Variants in TMEM135 observed in about 807,000 individuals in gnomAD.
The protein encoded by TMEM135 is transmembrane protein 135, also known as peroxisomal membrane protein 52.
In TMEM135, 30 loss-of-function variants were observed where a neutral mutation model predicts 60.3. That is an observed-to-expected ratio of 0.50 (90% confidence interval 0.37 to 0.68). The LOEUF (loss-of-function observed/expected upper bound fraction) is 0.68. Ranked by LOEUF, TMEM135 falls within the 30% of genes least tolerant of loss-of-function variation. The probability of loss-of-function intolerance (pLI) is 0.00; values close to 1 mark genes in which losing one functional copy is unlikely to be tolerated. For synonymous variants in TMEM135, 190 were observed against 186.7 expected, an observed-to-expected ratio of 1.02 and a Z score of -0.14; for missense variants, 468 against 548.8, an observed-to-expected ratio of 0.85 and a Z score of 1.47.
chr11:87,163,955 T>A (rs1184708149), intron 5 of TMEM135, among the ~76,000 whole-genome samples: 1 of 148,830 alleles, frequency 6.7e-6, no homozygotes, highest in Non-Finnish European at 1.5e-5. Context: ...GTCAGATGAG[T>A]AGGTTGCGAA....
At chr11:87,146,983 T>C (rs1214274084) in intron 4 of TMEM135, among the ~76,000 whole-genome samples, 3 of 152,168 alleles carry the variant, frequency 2.0e-5, no homozygotes, top group Non-Finnish European at 2.9e-5. Flanking sequence ...CACTGAAATC[T>C]TTCTATAAGA....
At chr11:87,279,857 G>A (rs1406062812) in intron 6 of TMEM135, among the ~76,000 whole-genome samples, 6 of 152,172 alleles carry the variant, frequency 3.9e-5, no homozygotes, top group Admixed American at 6.5e-5. Flanking sequence ...CTGAAATGAG[G>A]TTACTCTTTG....
intron 5 of TMEM135, among the ~76,000 whole-genome samples, chr11:87,219,641 T>C (rs1940575738): frequency 6.6e-6 from 1 of 152,174 alleles, no homozygotes; most frequent in Admixed American, 6.6e-5. Flanking sequence ...CTGAGTTACT[T>C]TCCTAACAGC....
At chr11:87,239,524 C>G (rs1941083054) in intron 6 of TMEM135, among the ~76,000 whole-genome samples, 1 of 151,834 alleles carries the variant, frequency 6.6e-6, no homozygotes, top group Admixed American at 6.6e-5. Context: ...TATTTGAGGA[C>G]ACATTTATTT....
intron 4 of TMEM135, among the ~76,000 whole-genome samples, chr11:87,125,760 G>A (rs1383413146): frequency 6.6e-6 from 1 of 152,172 alleles, no homozygotes; most frequent in African/African-American, 2.4e-5. Flanking sequence ...TTGTAAAGGG[G>A]ATGGACAGCA....
chr11:87,215,277 T>C (rs997139046), intron 5 of TMEM135, among the ~76,000 whole-genome samples: 8 of 152,216 alleles, frequency 5.3e-5, no homozygotes, highest in Non-Finnish European at 1.2e-4. Context: ...CAGTTACTTA[T>C]TATCTATTAC....
intron 1 of TMEM135, among the ~76,000 whole-genome samples, chr11:87,060,647 C>CT (rs11459506): frequency 0.32 from 46,600 of 143,448 alleles, 8,588 homozygotes; most frequent in East Asian, 0.59. Context: ...TTTTTCTTTC[C>CT]TTTTTTTTTT....
At chr11:87,253,949 C>G (rs2459960) in intron 6 of TMEM135, among the ~76,000 whole-genome samples, 100,171 of 151,636 alleles carry the variant, frequency 0.66, 33,607 homozygotes, top group Non-Finnish European at 0.71. Flanking sequence ...ATAAATTATT[C>G]TTGTTTTGAA....
chr11:87,284,437 C>G (rs1942126580), intron 6 of TMEM135, among the ~76,000 whole-genome samples: 1 of 152,178 alleles, frequency 6.6e-6, no homozygotes, highest in Admixed American at 6.5e-5. Context: ...AAGGAGAAAT[C>G]TGATTCTATT....
In TMEM135 at chr11:87,323,599, A is replaced by G. The variant is rs1198775053; in HGVS notation, c.*2266A>G. 7 of 453,874 alleles carry G rather than the reference A, an allele frequency of 1.5e-5. No homozygotes were observed. In the Admixed American group the frequency reaches 1.6e-4, roughly 11 times the overall value. The allele number at this position is 453,874 out of a possible 1,614,324, so 28.1% of individuals were successfully genotyped here. A position where few individuals can be genotyped will look rare whatever the true frequency, so the allele number is the denominator to read the frequency against. On this transcript the variant is annotated 3_prime_UTR_variant, in exon 15 of 15. Transcript: ENST00000305494. ...TCACTGGAACTGATTACAGTAAACAATAATATGTCCCCTTAGTCTTTCTGA... is the reference window on the plus strand; with the variant it reads ...TCACTGGAACTGATTACAGTAAACAGTAATATGTCCCCTTAGTCTTTCTGA...
chr11:87,050,523 A>C (rs1361970760), intron 1 of TMEM135, among the ~76,000 whole-genome samples: 1 of 57,636 alleles, frequency 1.7e-5, no homozygotes, highest in African/African-American at 1.3e-4. Flanking sequence ...ACCATCAGAG[A>C]ATACTACAAA....
intron 6 of TMEM135, among the ~76,000 whole-genome samples, chr11:87,241,851 A>ATTT (rs1941142748): frequency 1.9e-5 from 2 of 103,020 alleles, no homozygotes; most frequent in Non-Finnish European, 4.6e-5. Context: ...TTTTTTTTTA[A>ATTT]AAAAAAATTT....
chr11:87,238,842 A>G (rs1429594911), intron 6 of TMEM135, among the ~76,000 whole-genome samples: 1 of 152,108 alleles, frequency 6.6e-6, no homozygotes, highest in Non-Finnish European at 1.5e-5. Flanking sequence ...ACACAAGAAG[A>G]AAGTCCAATC....
At chr11:87,154,507 G>A (rs1006999333) in intron 4 of TMEM135, among the ~76,000 whole-genome samples, 4 of 152,178 alleles carry the variant, frequency 2.6e-5, no homozygotes, top group Admixed American at 2.6e-4. Flanking sequence ...CAGGGTGGCT[G>A]GGTTGTATGA....
intron 5 of TMEM135, among the ~76,000 whole-genome samples, chr11:87,167,969 T>C (rs511755): frequency 0.37 from 55,892 of 151,946 alleles, 10,805 homozygotes; most frequent in East Asian, 0.67. Context: ...GGCTATTAAT[T>C]ACTGCCTCAA....
intron 1 of TMEM135, among the ~76,000 whole-genome samples, chr11:87,062,845 A>G (rs1949963748): frequency 6.6e-6 from 1 of 152,236 alleles, no homozygotes; most frequent in African/African-American, 2.4e-5. Context: ...TTTATTTAGT[A>G]AATGAGGAGA....
chr11:87,223,178 T>G lies in TMEM135; in HGVS notation c.463-13460T>G, dbSNP rs538148907. Among the ~76,000 whole-genome samples, 4 of 151,754 alleles carry G rather than the reference T, an allele frequency of 2.6e-5. 1 individual carries two copies. In the South Asian group the frequency reaches 8.4e-4, roughly 32 times the overall value. On this transcript the variant is annotated intron_variant, in intron 5 of 14. Transcript: ENST00000305494. ...GAAAAGCACTTTTTTTTTTTTTTTTTTTCTGAGATGGAGTCTCGCACTTTC... is the reference window on the plus strand; with the variant it reads ...GAAAAGCACTTTTTTTTTTTTTTTTGTTCTGAGATGGAGTCTCGCACTTTC...
intron 4 of TMEM135, among the ~76,000 whole-genome samples, chr11:87,130,027 A>C (rs1334492437): frequency 6.6e-6 from 1 of 152,124 alleles, no homozygotes; most frequent in Non-Finnish European, 1.5e-5. Flanking sequence ...TATTTTAATA[A>C]ATTGAGGCAA....
intron 6 of TMEM135, among the ~76,000 whole-genome samples, chr11:87,282,924 T>C (rs1942094762): frequency 6.6e-6 from 1 of 152,206 alleles, no homozygotes; most frequent in Non-Finnish European, 1.5e-5. Flanking sequence ...CCAATTTCTA[T>C]TATTCATACC....
Sources: gnomAD v4.1 joint callset for allele counts (sites outside exome capture counted in the v4.1 genomes callset) on GRCh38, gnomAD v4.1.1 for gene constraint, MANE v1.5 for transcripts, NCBI Gene and HGNC (gene_info 2026-07-23, HGNC 2026-07-21) for gene names.